RIMS2: variants seen among roughly 807,000 people sequenced by gnomAD.
RIMS2 encodes regulating synaptic membrane exocytosis protein 2.
In RIMS2, 59 loss-of-function variants were observed where a neutral mutation model predicts 174.4. The ratio of observed to expected loss-of-function variants is 0.34; its 90% CI spans 0.27 to 0.42. The LOEUF is 0.42. Among genes scored for constraint, RIMS2 ranks in the 10% least tolerant of loss-of-function variants. The pLI is 1.00. For synonymous variants in RIMS2, 606 were observed against 572.5 expected (o/e 1.06, Z -0.84); for missense variants, 1,620 against 1,666.3 (o/e 0.97, Z 0.48).
intron 1 of RIMS2, among the ~76,000 whole-genome samples, chr8:103,668,089 A>C (rs1338080301): frequency 1.3e-5 from 2 of 152,142 alleles, no homozygotes; most frequent in East Asian, 3.9e-4. Context: ...GTCATATTAG[A>C]GTTTAGGAAT....
chr8:103,631,549 A>C (rs370621340), intron 1 of RIMS2, among the ~76,000 whole-genome samples: 32 of 152,164 alleles, frequency 2.1e-4, no homozygotes, highest in African/African-American at 1.9e-4. Flanking sequence ...AGTATAGTTC[A>C]AAGTCAGGTA....
intron 19 of RIMS2, among the ~76,000 whole-genome samples, chr8:104,183,200 G>T (rs1033356945): frequency 6.6e-6 from 1 of 151,696 alleles, no homozygotes; most frequent in Admixed American, 6.6e-5. Context: ...TTCTATGGCA[G>T]AATTGATATA....
At chr8:103,931,185 G>T in intron 11 of RIMS2, 78 bp from the exon 14 acceptor site, 1 of 1,041,180 alleles carries the variant, frequency 9.6e-7, no homozygotes, top group Non-Finnish European at 1.4e-6. Context: ...TAAGAGAATG[G>T]GGTGAAGATT....
intron 19 of RIMS2, among the ~76,000 whole-genome samples, chr8:104,016,081 GA>G (rs2095895867): frequency 1.3e-5 from 2 of 152,116 alleles, no homozygotes; most frequent in South Asian, 4.1e-4. Context: ...ACATTTGCTA[GA>G]TCAATACAAA....
intron 4 of RIMS2, among the ~76,000 whole-genome samples, chr8:103,902,207 A>C (rs545023298): frequency 2.6e-4 from 39 of 152,302 alleles, no homozygotes; most frequent in African/African-American, 8.9e-4. Context: ...AGGTATCCAC[A>C]GTTCCTAAAG....
At chr8:103,917,103 T>A (rs2076758331) in intron 8 of RIMS2, among the ~76,000 whole-genome samples, 1 of 152,112 alleles carries the variant, frequency 6.6e-6, no homozygotes, top group African/African-American at 2.4e-5. Context: ...ACATTAGCAA[T>A]AAATATTAAA....
chr8:103,582,442 G>A (rs2093670369), intron 1 of RIMS2, among the ~76,000 whole-genome samples: 1 of 152,100 alleles, frequency 6.6e-6, no homozygotes, highest in Admixed American at 6.5e-5. Flanking sequence ...TGCACCTTAG[G>A]TGCCAACATA....
chr8:104,021,761 G>A (rs1267203780), intron 19 of RIMS2, among the ~76,000 whole-genome samples: 1 of 152,128 alleles, frequency 6.6e-6, no homozygotes, highest in African/African-American at 2.4e-5. Flanking sequence ...GATTCTTCCT[G>A]CCTCCCGCAC....
chr8:103,673,625 T>C (rs1037011018), intron 1 of RIMS2, among the ~76,000 whole-genome samples: 2 of 152,176 alleles, frequency 1.3e-5, no homozygotes, highest in Non-Finnish European at 2.9e-5. Context: ...TGCCATGTCT[T>C]GAGGTGGCAC....
chr8:103,608,415 T>G (rs1311843924), intron 1 of RIMS2, among the ~76,000 whole-genome samples: 1 of 144,314 alleles, frequency 6.9e-6, no homozygotes, highest in East Asian at 1.9e-4. Flanking sequence ...CAGGGACATT[T>G]AAGTCTGCAG....
intron 3 of RIMS2, among the ~76,000 whole-genome samples, chr8:103,847,673 G>GGA (rs2098974976): frequency 6.6e-6 from 1 of 151,972 alleles, no homozygotes; most frequent in Non-Finnish European, 1.5e-5. Flanking sequence ...TTTACAAGGT[G>GGA]GAAGGTATCT....
chr8:103,976,007 A>G (rs920075264), intron 16 of RIMS2: 8 of 152,686 alleles, frequency 5.2e-5, no homozygotes, highest in African/African-American at 1.9e-4. Flanking sequence ...CCTAGTCCAC[A>G]TATTCAAATG....
exon 4 of RIMS2, chr8:103,885,742 C>T (rs1275603398): frequency 1.2e-6 from 2 of 1,612,806 alleles, no homozygotes; most frequent in Non-Finnish European, 1.7e-6. Flanking sequence ...TGGAAGATTC[C>T]AGGATTTCTA....
chr8:103,624,158 A>C (rs1192426312), intron 1 of RIMS2, among the ~76,000 whole-genome samples: 1 of 152,176 alleles, frequency 6.6e-6, no homozygotes, highest in Non-Finnish European at 1.5e-5. Flanking sequence ...ATTAAACATT[A>C]TCTTGAGGTG....
At position 104,062,130 on chromosome 8, in the gene RIMS2, G is replaced by A. The variant is rs558549076; in HGVS notation, c.3334+47515G>A. ...TAAAATATTCATTAAAATTGGTCAG[G>A]CGCAGTGGCTCTCGCCTGTAATCTC... On this transcript the variant is annotated intron_variant, in intron 19 of 23. Coordinates refer to ENST00000504942, the Ensembl canonical transcript of RIMS2. 2.0e-4 allele frequency among the ~76,000 whole-genome samples: 31 copies of A among 152,178 alleles called. No homozygotes were observed. In the South Asian group the frequency reaches 6.4e-3, roughly 32 times the overall value.
At chr8:104,067,158 G>A (rs182330907) in intron 19 of RIMS2, among the ~76,000 whole-genome samples, 28 of 152,050 alleles carry the variant, frequency 1.8e-4, no homozygotes, top group East Asian at 9.7e-4. Context: ...GCACGCTTAC[G>A]TCTAGCTGTC....
intron 19 of RIMS2, among the ~76,000 whole-genome samples, chr8:104,179,547 A>G (rs2441887): frequency 0.71 from 107,302 of 151,672 alleles, 38,300 homozygotes; most frequent in East Asian, 0.95. Flanking sequence ...ATTATTTACT[A>G]CACAAAACTT....
chr8:104,021,817 C>A (rs866616827), intron 19 of RIMS2, among the ~76,000 whole-genome samples: 1 of 152,258 alleles, frequency 6.6e-6, no homozygotes, highest in Admixed American at 6.5e-5. Flanking sequence ...GGCAGAATAA[C>A]GAGTTAGAGT....
rs148952538 is a variant in RIMS2 at position 103,625,266 on chromosome 8, T to C, written c.177-71820T>C. On this transcript the variant is annotated intron_variant, in intron 1 of 23. Coordinates refer to ENST00000504942, the Ensembl canonical transcript of RIMS2. ...TCAATAACATTTTTTAAGCACCTAC[T>C]ATATCAGGCACAAAGTTGAGGCACT... is the stretch of plus-strand genomic sequence containing the variant. Among the ~76,000 whole-genome samples the C allele has an allele frequency of 2.6e-3, 392 of 152,210 alleles. 2 individuals are homozygous for C. In the Middle Eastern group the frequency reaches 0.085, roughly 33 times the overall value.
Sources: gnomAD v4.1 joint callset for allele counts (sites outside exome capture counted in the v4.1 genomes callset) on GRCh38, gnomAD v4.1.1 for gene constraint, MANE v1.5 for transcripts, NCBI Gene and HGNC (gene_info 2026-07-23, HGNC 2026-07-21) for gene names.